The following GALNT13 variants were observed in gnomAD, a reference collection of about 807,000 sequenced individuals.
The protein encoded by GALNT13 is polypeptide N-acetylgalactosaminyltransferase 13, also known as UDP-GalNAc:polypeptide N-acetylgalactosaminyltransferase 13.
In GALNT13, 28 loss-of-function variants were observed where a neutral mutation model predicts 64.2. The ratio of observed to expected loss-of-function variants is 0.44; its 90% confidence interval spans 0.32 to 0.60. GALNT13 has a LOEUF of 0.60. GALNT13 is among the 20% of genes least tolerant of loss of function. The probability of loss-of-function intolerance (pLI) is 0.05; values close to 1 mark genes in which losing one functional copy is unlikely to be tolerated. For synonymous variants in GALNT13, 214 were observed against 224.6 expected (o/e 0.95, Z 0.42); for missense variants, 577 against 669.8 (o/e 0.86, Z 1.53).
chr2:153,823,587 C>A, the GALNT13 span, among the ~76,000 whole-genome samples: 4 of 151,032 alleles, frequency 2.6e-5, no homozygotes, highest in African/African-American at 7.3e-5. Flanking sequence ...TCAAATTAGA[C>A]CCCCAACCTT....
chr2:153,370,071 T>G, the GALNT13 span, among the ~76,000 whole-genome samples: 1 of 152,196 alleles, frequency 6.6e-6, no homozygotes, highest in African/African-American at 2.4e-5. Flanking sequence ...CAAAGAATTC[T>G]ATGCCCATAA....
chr2:153,915,509 C>CT (rs1689266832), intron 2 of GALNT13, among the ~76,000 whole-genome samples: 1 of 152,150 alleles, frequency 6.6e-6, no homozygotes, highest in Non-Finnish European at 1.5e-5. Context: ...CTCATTCTCT[C>CT]TTATTCTGTT....
At chr2:153,761,838 C>CA in the GALNT13 span, 80 of 154,026 alleles carry the variant, frequency 5.2e-4, no homozygotes, top group Non-Finnish European at 9.5e-4. Context: ...AACCACACAA[C>CA]ATTTTAACCA....
chr2:153,088,214 T>C, the GALNT13 span, among the ~76,000 whole-genome samples: 1 of 152,184 alleles, frequency 6.6e-6, no homozygotes, highest in Non-Finnish European at 1.5e-5. Context: ...CTCATTTCAA[T>C]GTTGACCCAA....
chr2:153,400,731 C>G, the GALNT13 span, among the ~76,000 whole-genome samples: 15 of 152,136 alleles, frequency 9.9e-5, no homozygotes, highest in African/African-American at 3.6e-4. Context: ...TTGTAGTATT[C>G]TCTGATGGTA....
the GALNT13 span, among the ~76,000 whole-genome samples, chr2:153,577,952 A>G: frequency 6.6e-6 from 1 of 151,282 alleles, no homozygotes; most frequent in Non-Finnish European, 1.5e-5. Context: ...ACAAACACAT[A>G]AAAGACTGTT....
the GALNT13 span, among the ~76,000 whole-genome samples, chr2:153,797,341 A>G: frequency 6.6e-6 from 1 of 152,344 alleles, no homozygotes. Flanking sequence ...GGTTAGAAAG[A>G]ATGACTTGGT....
At chr2:153,672,740 C>T in the GALNT13 span, among the ~76,000 whole-genome samples, 6 of 150,106 alleles carry the variant, frequency 4.0e-5, no homozygotes, top group African/African-American at 1.5e-4. Context: ...ACACAAAAAA[C>T]CCTTCAAAAA....
the GALNT13 span, among the ~76,000 whole-genome samples, chr2:153,149,745 C>A: frequency 1.9e-4 from 29 of 151,952 alleles, no homozygotes; most frequent in Non-Finnish European, 3.5e-4. Flanking sequence ...TTATGCCCTG[C>A]ACTTTACCTT....
intron 8 of GALNT13, among the ~76,000 whole-genome samples, chr2:154,283,454 T>C (rs942267628): frequency 1.2e-4 from 18 of 152,066 alleles, no homozygotes; most frequent in Non-Finnish European, 2.6e-4. Flanking sequence ...CTAAACTTTT[T>C]TTAGACTTTG....
At chr2:153,599,336 C>G in the GALNT13 span, among the ~76,000 whole-genome samples, 1 of 151,936 alleles carries the variant, frequency 6.6e-6, no homozygotes, top group Admixed American at 6.6e-5. Context: ...GGTCTTATTT[C>G]TTCTATCTAA....
the GALNT13 span, among the ~76,000 whole-genome samples, chr2:153,264,047 A>T: frequency 6.6e-6 from 1 of 152,210 alleles, no homozygotes; most frequent in Non-Finnish European, 1.5e-5. Context: ...CAATCTATCC[A>T]TCTGACAGAG....
intron 3 of GALNT13, among the ~76,000 whole-genome samples, chr2:153,962,471 T>C (rs1368853399): frequency 6.6e-6 from 1 of 152,096 alleles, no homozygotes; most frequent in Admixed American, 6.5e-5. Flanking sequence ...AAGCAGCTAA[T>C]AAATGGAGAC....
At chr2:153,104,510 T>C in the GALNT13 span, among the ~76,000 whole-genome samples, 1 of 152,316 alleles carries the variant, frequency 6.6e-6, no homozygotes, top group Admixed American at 6.5e-5. Context: ...TTTACTGTAG[T>C]ATCCACTGGT....
the GALNT13 span, among the ~76,000 whole-genome samples, chr2:153,332,603 G>A: frequency 1.3e-5 from 2 of 149,222 alleles, no homozygotes; most frequent in Non-Finnish European, 3.0e-5. Context: ...TGCTGAGCAA[G>A]GCTTTGCCCC....
chr2:154,287,053 A>G (rs532117407), intron 8 of GALNT13: 8 of 693,296 alleles, frequency 1.2e-5, no homozygotes, highest in African/African-American at 7.0e-5. Context: ...TGATGACCTT[A>G]CAGGTCATCT....
the GALNT13 span, among the ~76,000 whole-genome samples, chr2:153,569,380 C>T: frequency 1.3e-5 from 2 of 151,526 alleles, no homozygotes; most frequent in African/African-American, 4.9e-5. Flanking sequence ...TCTGCTCAGG[C>T]CTTTTGTTCA....
the GALNT13 span, among the ~76,000 whole-genome samples, chr2:153,721,618 C>T: frequency 1.3e-5 from 2 of 149,784 alleles, no homozygotes; most frequent in African/African-American, 5.0e-5. Flanking sequence ...GGAGGAAGAT[C>T]TACCAAGCCA....
chr2:153,228,330 C>G, the GALNT13 span, among the ~76,000 whole-genome samples: 1 of 152,118 alleles, frequency 6.6e-6, no homozygotes, highest in South Asian at 2.1e-4. Context: ...TTTTCTATGT[C>G]AAAAGCATAT....
Sources: gnomAD v4.1 joint callset for allele counts (sites outside exome capture counted in the v4.1 genomes callset) on GRCh38, gnomAD v4.1.1 for gene constraint, MANE v1.5 for transcripts, NCBI Gene and HGNC (gene_info 2026-07-23, HGNC 2026-07-21) for gene names.